Variants in NCOA2 observed in about 807,000 individuals in gnomAD.
NCOA2 encodes nuclear receptor coactivator 2, also known as class E basic helix-loop-helix protein 75.
Under a neutral mutation model 145.1 loss-of-function variants are expected in NCOA2, and 21 were observed. The ratio of observed to expected loss-of-function variants is 0.14; its 90% confidence interval spans 0.10 to 0.21. NCOA2 has a LOEUF of 0.21. NCOA2 is among the 10% of genes least tolerant of loss of function. The pLI is 1.00. For synonymous variants in NCOA2, 619 were observed against 637.5 expected (o/e 0.97, Z 0.44); for missense variants, 1,472 against 1,837.6 (o/e 0.80, Z 3.64).
At chr8:70,455,648 A>G in the NCOA2 span, among the ~76,000 whole-genome samples, 8 of 152,206 alleles carry the variant, frequency 5.3e-5, no homozygotes, top group African/African-American at 1.2e-4. Flanking sequence ...GCTGGAAAAA[A>G]AAAATCACCC....
chr8:70,388,727 T>G (rs1563835657), intron 1 of NCOA2, among the ~76,000 whole-genome samples: 1 of 152,014 alleles, frequency 6.6e-6, no homozygotes. Context: ...CACAGAATAT[T>G]AGAAAAGAGG....
chr8:70,270,011 T>C (rs1751320665), intron 2 of NCOA2, among the ~76,000 whole-genome samples: 1 of 152,098 alleles, frequency 6.6e-6, no homozygotes. Context: ...ACCTCAACTG[T>C]TAAAAATTAG....
At chr8:70,246,970 A>G (rs980366077) in intron 2 of NCOA2, among the ~76,000 whole-genome samples, 8 of 152,194 alleles carry the variant, frequency 5.3e-5, no homozygotes, top group Non-Finnish European at 1.0e-4. Context: ...GAATTATTAC[A>G]GATACCAGAA....
At chr8:70,241,207 C>T (rs912050628) in intron 2 of NCOA2, among the ~76,000 whole-genome samples, 3 of 152,098 alleles carry the variant, frequency 2.0e-5, no homozygotes, top group African/African-American at 7.2e-5. Context: ...GCAGCAAGTT[C>T]TCCATTTGCC....
chr8:70,279,828 G>A (rs74598789), intron 2 of NCOA2, among the ~76,000 whole-genome samples: 3,067 of 152,276 alleles, frequency 0.02, 124 homozygotes, highest in African/African-American at 0.07. Context: ...CTGCCATGAC[G>A]TAAGGTCCTA....
At position 70,111,824 on chromosome 8, in the gene NCOA2, C is replaced by T. The variant is rs1330442301; in HGVS notation, c.*1808G>A. ...ACAATCAAATTTCAAGGAAAAACTTCTCTGTTCCTAAAAAGCCTGGCTAAT... is the reference window on the plus strand; with the variant it reads ...ACAATCAAATTTCAAGGAAAAACTTTTCTGTTCCTAAAAAGCCTGGCTAAT... On this transcript the variant is annotated 3_prime_UTR_variant, in exon 23 of 23. Transcript: ENST00000452400. The T allele has an allele frequency of 2.3e-5, 5 of 219,786 alleles. No homozygotes were observed. The highest frequency in any genetic ancestry group is 9.0e-5 in the African/African-American group (4 of 44,630). The allele number at this position is 219,786 out of a possible 1,614,324, so 13.6% of individuals were successfully genotyped here. A position where few individuals can be genotyped will look rare whatever the true frequency, so the allele number is the denominator to read the frequency against.
intron 2 of NCOA2, among the ~76,000 whole-genome samples, chr8:70,281,829 C>G (rs1012831069): frequency 2.0e-5 from 3 of 152,176 alleles, no homozygotes; most frequent in African/African-American, 7.2e-5. Context: ...AACAAAGCCA[C>G]TATTAATCAG....
At chr8:70,280,419 C>T (rs1476681410) in intron 2 of NCOA2, among the ~76,000 whole-genome samples, 1 of 152,192 alleles carries the variant, frequency 6.6e-6, no homozygotes, top group African/African-American at 2.4e-5. Context: ...AATCAAAATT[C>T]ATCTGTTTTC....
intron 4 of NCOA2, among the ~76,000 whole-genome samples, chr8:70,179,712 T>A (rs1231426940): frequency 6.6e-6 from 1 of 152,156 alleles, no homozygotes; most frequent in Non-Finnish European, 1.5e-5. Flanking sequence ...AAATATATTC[T>A]GTTACAAAAA....
At chr8:70,350,298 A>G (rs1476258274) in intron 1 of NCOA2, among the ~76,000 whole-genome samples, 2 of 152,022 alleles carry the variant, frequency 1.3e-5, no homozygotes, top group Non-Finnish European at 2.9e-5. Context: ...AATTCATGTG[A>G]TTTTTTCCCC....
chr8:70,273,568 G>C, intron 2 of NCOA2: 2 of 755,744 alleles, frequency 2.6e-6, no homozygotes, highest in Admixed American at 3.6e-5. Flanking sequence ...AAGCAACAGT[G>C]ATCCACTTTA....
chr8:70,261,285 G>T (rs894933548), intron 2 of NCOA2, among the ~76,000 whole-genome samples: 5 of 152,144 alleles, frequency 3.3e-5, no homozygotes, highest in Admixed American at 6.5e-5. Flanking sequence ...AAAATGATGA[G>T]TTCATGTCCT....
chr8:70,245,572 ACT>A (rs1822544969), intron 2 of NCOA2, among the ~76,000 whole-genome samples: 1 of 151,296 alleles, frequency 6.6e-6, no homozygotes. Context: ...TCAGTCTCTC[ACT>A]CTCTCACATA....
Position 70,112,383 on chromosome 8 carries a change from T to C in NCOA2, c.*1249A>G, listed in dbSNP as rs1806619467. The stretch of plus-strand genomic sequence containing the variant: ...ACACATAAGTTCTCAACTTAAATTA[T>C]TGCTTGTTTACATATAAATTGGATT... On this transcript the variant is annotated 3_prime_UTR_variant, in exon 23 of 23. Coordinates refer to ENST00000452400, the MANE Select transcript of NCOA2 (RefSeq NM_006540.4). 1 of 193,206 alleles carries C rather than the reference T, an allele frequency of 5.2e-6. No homozygotes were observed. The highest frequency in any genetic ancestry group is 8.2e-5 in the East Asian group (1 of 12,200). 12.0% of individuals were successfully genotyped at this position (193,206 alleles called of 1,614,324 possible). A position where few individuals can be genotyped will look rare whatever the true frequency, so the allele number is the denominator to read the frequency against.
At chr8:70,193,256 T>C (rs1307290626) in intron 4 of NCOA2, among the ~76,000 whole-genome samples, 1 of 152,124 alleles carries the variant, frequency 6.6e-6, no homozygotes, top group Admixed American at 6.5e-5. Flanking sequence ...TTGATAACAA[T>C]AGGCCTTATG....
At chr8:70,264,706 T>C (rs1824421290) in intron 2 of NCOA2, among the ~76,000 whole-genome samples, 1 of 152,252 alleles carries the variant, frequency 6.6e-6, no homozygotes, top group African/African-American at 2.4e-5. Flanking sequence ...GCCGGAATAC[T>C]TGAAATTGGA....
At chr8:70,455,822 TA>T in the NCOA2 span, among the ~76,000 whole-genome samples, 1 of 152,182 alleles carries the variant, frequency 6.6e-6, no homozygotes, top group Non-Finnish European at 1.5e-5. Flanking sequence ...TCAGAACAAT[TA>T]AGGTCTTGAT....
intron 2 of NCOA2, among the ~76,000 whole-genome samples, chr8:70,274,927 T>C (rs1825360754): frequency 1.3e-5 from 2 of 152,186 alleles, no homozygotes; most frequent in South Asian, 4.1e-4. Context: ...CACTGAGGCA[T>C]CATCTCCCGT....
intron 1 of NCOA2, among the ~76,000 whole-genome samples, chr8:70,329,314 G>C (rs1037773128): frequency 1.3e-5 from 2 of 151,808 alleles, no homozygotes; most frequent in Admixed American, 1.3e-4. Context: ...ATGGGAGTTC[G>C]CCATGTGGAT....
Sources: gnomAD v4.1 joint callset for allele counts (sites outside exome capture counted in the v4.1 genomes callset) on GRCh38, gnomAD v4.1.1 for gene constraint, MANE v1.5 for transcripts, NCBI Gene and HGNC (gene_info 2026-07-23, HGNC 2026-07-21) for gene names.